Variants in FMN2 observed in about 807,000 individuals in gnomAD.
FMN2 encodes formin 2.
A neutral mutation model predicts 142.3 loss-of-function variants in FMN2; 51 were observed. The observed-to-expected ratio is 0.36, with a 90% confidence interval of 0.29 to 0.45. The LOEUF is 0.45. Ranked by LOEUF, FMN2 falls within the 20% of genes least tolerant of loss-of-function variation. The pLI is 1.00. For synonymous variants in FMN2, 882 were observed against 869.8 expected, an observed-to-expected ratio of 1.01 and a Z score of -0.25; for missense variants, 1,936 against 2,122.8, an observed-to-expected ratio of 0.91 and a Z score of 1.73.
At chr1:240,170,578 A>G in intron 2 of FMN2, 7 of 1,567,270 alleles carry the variant, frequency 4.5e-6, no homozygotes, top group South Asian at 1.1e-5. Flanking sequence ...AGGAAAGACA[A>G]TTTTACATTA....
intron 2 of FMN2, among the ~76,000 whole-genome samples, chr1:240,125,970 C>T (rs1425883889): frequency 1.3e-5 from 2 of 152,140 alleles, no homozygotes; most frequent in African/African-American, 4.8e-5. Context: ...TATTCATTGG[C>T]TCTGTACGAC....
At position 240,093,646 on chromosome 1, in the gene FMN2, G is replaced by T. The variant is rs751437472; in HGVS notation, c.1537G>T (p.Gly513Cys). 2 of 1,420,400 alleles carry T rather than the reference G, an allele frequency of 1.4e-6. No homozygotes were observed. The highest frequency in any genetic ancestry group is 1.8e-6 in the Non-Finnish European group (2 of 1,099,240). 88.0% of individuals were successfully genotyped at this position (1,420,400 alleles called of 1,614,324 possible). A position where few individuals can be genotyped will look rare whatever the true frequency, so the allele number is the denominator to read the frequency against. ...LERGVASDSGGGVSPALAAKA... is the reference protein window; with the variant it reads ...LERGVASDSGCGVSPALAAKA... ...GCGCGGGGTGGCGAGTGACAGCGGC[G>T]GTGGGGTGTCCCCAGCACTGGCCGC... The change falls in exon 1 of 18, where the codon GGT becomes TGT. Residue 513 changes from glycine (G) to cysteine (C), a missense_variant. Around this residue, in one of 8 missense-constraint regions of FMN2, gnomAD observed 751 missense variants for 791.8 expected, o/e 0.95. Transcript: ENST00000319653.
intron 4 of FMN2, among the ~76,000 whole-genome samples, chr1:240,198,137 T>G (rs1165936359): frequency 6.6e-6 from 1 of 152,200 alleles, no homozygotes; most frequent in Non-Finnish European, 1.5e-5. Flanking sequence ...CTTCCTTGCA[T>G]TACTTGAGAC....
chr1:240,148,777 G>A (rs1397389167), intron 2 of FMN2, among the ~76,000 whole-genome samples: 2 of 151,940 alleles, frequency 1.3e-5, no homozygotes, highest in Non-Finnish European at 2.9e-5. Flanking sequence ...TCAGGAGATC[G>A]AGACCATCCT....
intron 14 of FMN2, among the ~76,000 whole-genome samples, chr1:240,361,681 C>T (rs766402314): frequency 1.2e-4 from 19 of 152,084 alleles, no homozygotes; most frequent in Non-Finnish European, 2.4e-4. Context: ...GCATGGTTAC[C>T]CATATGTAAA....
intron 7 of FMN2, among the ~76,000 whole-genome samples, chr1:240,278,127 GCTA>G (rs1159520020): frequency 3.3e-5 from 5 of 152,120 alleles, no homozygotes; most frequent in Non-Finnish European, 7.4e-5. Context: ...AATGCTTCTT[GCTA>G]AGTGCCCACT....
intron 1 of FMN2, among the ~76,000 whole-genome samples, chr1:240,101,839 A>G (rs956491900): frequency 2.0e-5 from 3 of 151,606 alleles, no homozygotes; most frequent in African/African-American, 7.3e-5. Flanking sequence ...ATGAAAATGT[A>G]TGAAATGGAA....
At chr1:240,106,218 C>A (rs1219484774) in intron 1 of FMN2, among the ~76,000 whole-genome samples, 2 of 152,166 alleles carry the variant, frequency 1.3e-5, no homozygotes, top group African/African-American at 4.8e-5. Flanking sequence ...TAGACACCTT[C>A]ATATGATCTT....
At chr1:240,428,815 T>C (rs1675043012) in intron 15 of FMN2, among the ~76,000 whole-genome samples, 1 of 152,208 alleles carries the variant, frequency 6.6e-6, no homozygotes, top group African/African-American at 2.4e-5. Flanking sequence ...TATTACTGTG[T>C]TGTATAATAG....
intron 1 of FMN2, among the ~76,000 whole-genome samples, chr1:240,098,291 A>T (rs946276409): frequency 6.6e-6 from 1 of 151,726 alleles, no homozygotes; most frequent in Non-Finnish European, 1.5e-5. Context: ...TAGTAGAGAC[A>T]GGATTTCACC....
At chr1:240,453,263 A>C (rs1028004520) in intron 16 of FMN2, among the ~76,000 whole-genome samples, 4 of 152,218 alleles carry the variant, frequency 2.6e-5, no homozygotes, top group Non-Finnish European at 5.9e-5. Flanking sequence ...AATTCATAGA[A>C]GCCAAACCCC....
chr1:240,105,134 A>T (rs77998068), intron 1 of FMN2, among the ~76,000 whole-genome samples: 1 of 109,486 alleles, frequency 9.1e-6, no homozygotes, highest in East Asian at 2.7e-4. Context: ...TTTGAGACCG[A>T]GTCTCACTCT....
rs185831714 is a variant in FMN2 at position 240,262,824 on chromosome 1, A to C, written c.4153+4792A>C. Among the ~76,000 whole-genome samples the C allele has an allele frequency of 4.7e-3, 682 of 144,492 alleles. 4 individuals carry two copies. Among genetic ancestry groups the C allele is most frequent in the Non-Finnish European group, 7.3e-3 (487 of 67,018 alleles). 94.8% of individuals were successfully genotyped at this position (144,492 alleles called of 152,430 possible). On this transcript the variant is annotated intron_variant, in intron 7 of 17. Transcript: ENST00000319653. ...TCATCCAGGCATAGTTCAGTGGCGC[A>C]ATCTCAGCTCACTACAATCTCCGCC...
chr1:240,117,293 T>C (rs1030908106), intron 1 of FMN2, among the ~76,000 whole-genome samples: 1 of 152,306 alleles, frequency 6.6e-6, no homozygotes, highest in Admixed American at 6.5e-5. Context: ...TGTTTAAACA[T>C]TGTATTGGAG....
chr1:240,298,547 G>A (rs1408833525), intron 8 of FMN2, among the ~76,000 whole-genome samples: 1 of 152,180 alleles, frequency 6.6e-6, no homozygotes, highest in Non-Finnish European at 1.5e-5. Flanking sequence ...AGCAGAAGGT[G>A]AGCCACTGGT....
intron 2 of FMN2, among the ~76,000 whole-genome samples, chr1:240,176,618 T>A (rs7511696): frequency 6.6e-6 from 1 of 152,122 alleles, no homozygotes; most frequent in East Asian, 1.9e-4. Flanking sequence ...TTCCTTCAGG[T>A]TCTCCAATGA....
chr1:240,270,982 A>G (rs1464853807), intron 7 of FMN2, among the ~76,000 whole-genome samples: 1 of 151,984 alleles, frequency 6.6e-6, no homozygotes, highest in Admixed American at 6.6e-5. Context: ...TAGCTAAACA[A>G]GAGGGTTTAA....
In FMN2 at chr1:240,092,187, G is replaced by C. The variant is rs755745219; in HGVS notation, c.78G>C (p.Ala26=). The C allele has an allele frequency of 1.2e-5, 19 of 1,581,646 alleles. No individual in the cohort carries two copies. In the African/African-American group the frequency reaches 1.3e-4, roughly 11 times the overall value. Residue 26 remains alanine, a synonymous_variant, in exon 1 of 18, where the codon GCG becomes GCC. Transcript: ENST00000319653. ...AAGGCGGCGGTGGCGCCGAGGATGC[G>C]CTGGGGCCCAGGGATGTGGAAGCCA... ...LHEGGGGAED[A]LGPRDVEATK... is the part of the protein sequence containing the mutation.
chr1:240,100,238 A>T (rs575363702), intron 1 of FMN2, among the ~76,000 whole-genome samples: 2 of 152,348 alleles, frequency 1.3e-5, no homozygotes, highest in East Asian at 3.9e-4. Context: ...TAGTAATGAC[A>T]TTACAGCAAC....
Sources: gnomAD v4.1 joint callset for allele counts (sites outside exome capture counted in the v4.1 genomes callset) on GRCh38, gnomAD v4.1.1 for gene constraint, gnomAD v4.1.1 regional missense constraint, MANE v1.5 for transcripts, NCBI Gene and HGNC (gene_info 2026-07-23, HGNC 2026-07-21) for gene names.